TRERF1: variants seen among roughly 807,000 people sequenced by gnomAD.
The protein encoded by TRERF1 is transcriptional regulating factor 1, also known as transcriptional-regulating factor 1.
A neutral mutation model predicts 122.9 loss-of-function variants in TRERF1; 27 were observed. The observed-to-expected ratio is 0.22, with a 90% CI of 0.16 to 0.30. TRERF1 has a LOEUF of 0.30. Among genes scored for constraint, TRERF1 ranks in the 10% least tolerant of loss-of-function variants. TRERF1 has a pLI of 1.00. For synonymous variants in TRERF1, 636 were observed against 641.7 expected (o/e 0.99, Z 0.13); for missense variants, 1,248 against 1,560.3 (o/e 0.80, Z 3.37).
At chr6:42,299,200 TTCTATCTATCTATCTATCTA>T (rs70987591) in intron 4 of TRERF1, among the ~76,000 whole-genome samples, 1 of 146,598 alleles carries the variant, frequency 6.8e-6, no homozygotes, top group Non-Finnish European at 1.5e-5. Flanking sequence ...GTCTGTTTTT[TTCTATCTATCTATCTATCTA>T]TCTATCTATC....
At chr6:42,437,904 GTTAT>G (rs574262518) in intron 2 of TRERF1, among the ~76,000 whole-genome samples, 10 of 151,742 alleles carry the variant, frequency 6.6e-5, no homozygotes, top group South Asian at 2.1e-4. Context: ...GTAGGCAGCT[GTTAT>G]TTATTTATTT....
chr6:42,446,797 G>A (rs988471663), intron 2 of TRERF1, among the ~76,000 whole-genome samples: 6 of 152,194 alleles, frequency 3.9e-5, no homozygotes, highest in Non-Finnish European at 7.3e-5. Flanking sequence ...GAGGCTAGGA[G>A]TTCAAGACCA....
intron 2 of TRERF1, among the ~76,000 whole-genome samples, chr6:42,371,230 T>C (rs1459611024): frequency 6.6e-6 from 1 of 152,122 alleles, no homozygotes; most frequent in Non-Finnish European, 1.5e-5. Flanking sequence ...AACTGGAGTG[T>C]CTCTGAGCAC....
chr6:42,409,782 G>C (rs1289651519), intron 2 of TRERF1, among the ~76,000 whole-genome samples: 1 of 152,126 alleles, frequency 6.6e-6, no homozygotes, highest in Non-Finnish European at 1.5e-5. Context: ...TTTTGGTTTA[G>C]TTCCTGTTTT....
intron 2 of TRERF1, among the ~76,000 whole-genome samples, chr6:42,368,228 A>G (rs1339141782): frequency 6.6e-6 from 1 of 151,882 alleles, no homozygotes; most frequent in African/African-American, 2.4e-5. Context: ...ATACCTTCCT[A>G]TTGTACCTCC....
At chr6:42,301,073 G>A (rs1469377558) in intron 3 of TRERF1, among the ~76,000 whole-genome samples, 1 of 152,126 alleles carries the variant, frequency 6.6e-6, no homozygotes, top group East Asian at 1.9e-4. Context: ...AGAGATCTGA[G>A]TTTCATTATA....
chr6:42,283,044 C>T (rs896822168), intron 4 of TRERF1, among the ~76,000 whole-genome samples: 3 of 152,178 alleles, frequency 2.0e-5, no homozygotes, highest in Non-Finnish European at 2.9e-5. Context: ...AAGGCACATA[C>T]ATCACAGCCT....
At position 42,269,501 on chromosome 6, in the gene TRERF1, G is replaced by A. The variant is rs149014572; in HGVS notation, c.90C>T (p.Ser30=). The change falls in exon 5 of 18, where the codon AGC becomes AGT. Residue 30 remains serine, a synonymous_variant. Transcript: ENST00000372922. This position sits in a 1 kb window ranked among gnomAD's most constrained non-coding sequence, Gnocchi z 4.9. ...CATTCCCATAGTTGTGGTTCAGCCC[G>A]CTGTGGACGCCAAGTGGTGGCTGTT... is the stretch of plus-strand genomic sequence containing the variant. 8.7e-6 allele frequency: 14 copies of A among 1,614,072 alleles called. No individual in the cohort carries two copies. Among genetic ancestry groups the A allele is most frequent in the East Asian group, 2.2e-5 (1 of 44,904 alleles).
chr6:42,426,883 A>T (rs1562190332), intron 2 of TRERF1, among the ~76,000 whole-genome samples: 1 of 152,192 alleles, frequency 6.6e-6, no homozygotes, highest in Non-Finnish European at 1.5e-5. Flanking sequence ...ATACTGGAAT[A>T]ATACTTATTG....
At chr6:42,364,955 G>T (rs190458518) in intron 2 of TRERF1, among the ~76,000 whole-genome samples, 57 of 152,300 alleles carry the variant, frequency 3.7e-4, no homozygotes, top group African/African-American at 1.3e-3. Flanking sequence ...TGGCCAGGAG[G>T]AAGGATGTCT....
chr6:42,420,456 C>T (rs1782600270), intron 2 of TRERF1, among the ~76,000 whole-genome samples: 1 of 152,132 alleles, frequency 6.6e-6, no homozygotes, highest in Admixed American at 6.5e-5. Flanking sequence ...CAGAATGCTG[C>T]CGGCAGCCTC....
intron 3 of TRERF1, among the ~76,000 whole-genome samples, chr6:42,311,080 T>C (rs1172997415): frequency 3.3e-5 from 5 of 152,214 alleles, no homozygotes; most frequent in African/African-American, 7.2e-5. Flanking sequence ...ATATGTTGGG[T>C]ACTCTTCTAG....
intron 4 of TRERF1, among the ~76,000 whole-genome samples, chr6:42,296,539 A>G (rs1017550918): frequency 6.6e-6 from 1 of 152,178 alleles, no homozygotes; most frequent in Non-Finnish European, 1.5e-5. Flanking sequence ...CATGTGACCA[A>G]TGAAGAAACG....
At chr6:42,297,466 A>AC (rs1785308121) in intron 4 of TRERF1, among the ~76,000 whole-genome samples, 1 of 152,052 alleles carries the variant, frequency 6.6e-6, no homozygotes, top group Admixed American at 6.6e-5. Context: ...GCCTAGGGAG[A>AC]CCCCTCCACA....
chr6:42,273,068 T>G (rs1463879624), intron 4 of TRERF1, among the ~76,000 whole-genome samples: 2 of 152,148 alleles, frequency 1.3e-5, no homozygotes, highest in Non-Finnish European at 2.9e-5. Flanking sequence ...TCCCCGCCAC[T>G]GGGTATCCTT....
At chr6:42,245,324 G>A (rs2149612810) in intron 14 of TRERF1, among the ~76,000 whole-genome samples, 1 of 152,364 alleles carries the variant, frequency 6.6e-6, no homozygotes, top group African/African-American at 2.4e-5. Flanking sequence ...CGGAGGCGAG[G>A]CGGAGGCAAG....
At chr6:42,234,345 T>G (rs79615076) in intron 16 of TRERF1, among the ~76,000 whole-genome samples, 2 of 131,890 alleles carry the variant, frequency 1.5e-5, no homozygotes, top group African/African-American at 3.7e-5. Context: ...TGTTTGCTTG[T>G]TTTTTTTTTT....
chr6:42,356,196 C>A (rs1347384971), intron 3 of TRERF1, among the ~76,000 whole-genome samples: 5 of 152,224 alleles, frequency 3.3e-5, no homozygotes, highest in Non-Finnish European at 1.5e-5. Context: ...GCCCCTGGAC[C>A]AGTGACCCTA....
intron 3 of TRERF1, among the ~76,000 whole-genome samples, chr6:42,307,826 T>C (rs1787554321): frequency 6.6e-6 from 1 of 152,222 alleles, no homozygotes; most frequent in Non-Finnish European, 1.5e-5. Context: ...AGACTCTGAC[T>C]GAACTCACTG....
Sources: gnomAD v4.1 joint callset for allele counts (sites outside exome capture counted in the v4.1 genomes callset) on GRCh38, gnomAD v4.1.1 for gene constraint, Gnocchi (gnomAD v3.1) non-coding constraint, MANE v1.5 for transcripts, NCBI Gene and HGNC (gene_info 2026-07-23, HGNC 2026-07-21) for gene names.